SNX29: variants seen among roughly 807,000 people sequenced by gnomAD.
SNX29 encodes sorting nexin-29.
SNX29 carries 78 observed loss-of-function variants against 102.1 expected under a neutral mutation model. The observed-to-expected ratio is 0.76, with a 90% CI of 0.64 to 0.92. The LOEUF is 0.92. Ranked by LOEUF, SNX29 falls within the 40% of genes least tolerant of loss-of-function variation. The pLI, the probability that SNX29 is intolerant of heterozygous loss-of-function variation, is 0.00. For missense variants in SNX29, 1,280 were observed against 1,061.7 expected, an observed-to-expected ratio of 1.21 and a Z score of -2.86; for synonymous variants, 580 against 414.5, an observed-to-expected ratio of 1.40 and a Z score of -4.85.
chr16:12,194,628 T>G (rs1400239391), intron 13 of SNX29, among the ~76,000 whole-genome samples: 2 of 151,008 alleles, frequency 1.3e-5, no homozygotes, highest in Non-Finnish European at 3.0e-5. Flanking sequence ...GGTAGTTTTT[T>G]TTTTTTTTTT....
At chr16:12,236,890 C>A (rs1017136448) in intron 14 of SNX29, among the ~76,000 whole-genome samples, 2 of 152,172 alleles carry the variant, frequency 1.3e-5, no homozygotes, top group African/African-American at 4.8e-5. Context: ...CTGTGCTTGA[C>A]ACGTGGTGAA....
intron 19 of SNX29, among the ~76,000 whole-genome samples, chr16:12,519,496 G>A (rs1392350611): frequency 6.6e-6 from 1 of 152,114 alleles, no homozygotes; most frequent in African/African-American, 2.4e-5. Flanking sequence ...TTATGCCATT[G>A]TGGTCAAATG....
At position 12,568,658 on chromosome 16, in the gene SNX29, G is replaced by A. The variant is rs372827294; in HGVS notation, c.*29G>A. ...CGACAAAACCGCAGCCACGGGCCCT[G>A]TGCGTGGCACCAGCTGCGTCCACCC... On this transcript the variant is annotated 3_prime_UTR_variant, in exon 21 of 21. Coordinates refer to ENST00000566228, the MANE Select transcript of SNX29 (RefSeq NM_032167.5). 1.4e-4 allele frequency: 223 copies of A among 1,597,400 alleles called. No homozygotes were observed. The highest frequency in any genetic ancestry group is 1.8e-4 in the Non-Finnish European group (211 of 1,178,440).
chr16:12,426,270 G>A (rs1397068011), intron 18 of SNX29, among the ~76,000 whole-genome samples: 1 of 152,114 alleles, frequency 6.6e-6, no homozygotes, highest in Non-Finnish European at 1.5e-5. Flanking sequence ...CTGTGCTCAC[G>A]CTGTCTCTAT....
At chr16:12,461,988 T>TATATATATATATAA (rs1361473917) in intron 18 of SNX29, among the ~76,000 whole-genome samples, 40 of 58,162 alleles carry the variant, frequency 6.9e-4, no homozygotes, top group Non-Finnish European at 9.1e-4. Context: ...AATATATATA[T>TATATATATATATAA]ATATATATAT....
intron 15 of SNX29, among the ~76,000 whole-genome samples, chr16:12,325,285 T>G (rs1452690622): frequency 6.6e-6 from 1 of 152,190 alleles, no homozygotes. Context: ...ATTTGCATGG[T>G]ATCATAACAG....
intron 15 of SNX29, among the ~76,000 whole-genome samples, chr16:12,304,405 T>A (rs2080275276): frequency 6.6e-6 from 1 of 152,200 alleles, no homozygotes; most frequent in Non-Finnish European, 1.5e-5. Flanking sequence ...CCTGAGTAGT[T>A]GGGACTACAG....
At chr16:12,338,168 G>C (rs987476403) in intron 15 of SNX29, among the ~76,000 whole-genome samples, 1 of 152,182 alleles carries the variant, frequency 6.6e-6, no homozygotes, top group Admixed American at 6.5e-5. Flanking sequence ...CGGATCAATT[G>C]TTTAGACCAG....
chr16:12,446,047 CTTTTTTTTTTTTTT>C (rs60889973), intron 18 of SNX29, among the ~76,000 whole-genome samples: 4 of 98,596 alleles, frequency 4.1e-5, no homozygotes, highest in South Asian at 3.8e-4. Flanking sequence ...GCTTCTCATT[CTTTTTTTTTTTTTT>C]TTTTTTTTTT....
At chr16:12,554,809 A>G (rs1453077785) in intron 20 of SNX29, among the ~76,000 whole-genome samples, 1 of 152,168 alleles carries the variant, frequency 6.6e-6, no homozygotes, top group Non-Finnish European at 1.5e-5. Flanking sequence ...AGAAATTTGT[A>G]TTGAGCACCT....
intron 13 of SNX29, among the ~76,000 whole-genome samples, chr16:12,164,366 C>T (rs963624638): frequency 5.9e-5 from 9 of 152,102 alleles, no homozygotes; most frequent in South Asian, 4.1e-4. Flanking sequence ...TAAGAAAACC[C>T]GTGCGATAGT....
intron 13 of SNX29, among the ~76,000 whole-genome samples, chr16:12,165,636 C>T (rs961058170): frequency 6.0e-4 from 91 of 152,384 alleles, no homozygotes; most frequent in South Asian, 4.1e-4. Context: ...TCTTGGCCCA[C>T]TGCAACCTCT....
In SNX29 at chr16:12,307,567, T is replaced by C. The variant is rs139511531; in HGVS notation, c.1782+29531T>C. Among the ~76,000 whole-genome samples the C allele has an allele frequency of 5.3e-5, 8 of 152,270 alleles. 1 individual carries two copies. The East Asian group carries it at 1.5e-3, about 29-fold the overall frequency. ...GGACAGAGTTGGGAAGCTTAATAGG[T>C]GTCAAACATTTGCCTGCTTAATGCC... On this transcript the variant is annotated intron_variant, in intron 15 of 20. Coordinates refer to ENST00000566228, the MANE Select transcript of SNX29 (RefSeq NM_032167.5).
chr16:12,442,643 C>T (rs967134913), intron 18 of SNX29, among the ~76,000 whole-genome samples: 14 of 151,292 alleles, frequency 9.3e-5, no homozygotes, highest in South Asian at 6.3e-4. Context: ...CAGGCTGGAG[C>T]GCAGTGGCAC....
chr16:12,516,979 A>G (rs2039087452), intron 19 of SNX29, among the ~76,000 whole-genome samples: 1 of 152,214 alleles, frequency 6.6e-6, no homozygotes, highest in African/African-American at 2.4e-5. Flanking sequence ...GAAGCTCAAA[A>G]TAAAATTAAC....
At chr16:12,114,038 C>T (rs185275543) in intron 11 of SNX29, among the ~76,000 whole-genome samples, 12 of 152,288 alleles carry the variant, frequency 7.9e-5, no homozygotes, top group Admixed American at 7.2e-4. Context: ...TGTTACTTGC[C>T]GTGACATCAC....
intron 17 of SNX29, among the ~76,000 whole-genome samples, chr16:12,402,044 A>T (rs933725438): frequency 6.6e-6 from 1 of 152,232 alleles, no homozygotes; most frequent in East Asian, 1.9e-4. Flanking sequence ...ACAGAAATGA[A>T]AGGAGAATGT....
intron 19 of SNX29, among the ~76,000 whole-genome samples, chr16:12,516,481 G>GAAAAA (rs5815691): frequency 4.8e-4 from 53 of 109,530 alleles, no homozygotes; most frequent in African/African-American, 1.8e-3. Flanking sequence ...TCCCGTCTCA[G>GAAAAA]AAAAAAAAAA....
intron 18 of SNX29, among the ~76,000 whole-genome samples, chr16:12,456,153 G>A (rs572778850): frequency 6.6e-6 from 1 of 152,196 alleles, no homozygotes; most frequent in South Asian, 2.1e-4. Context: ...TAAGACTCTG[G>A]TCATGTACTC....
Sources: allele counts gnomAD v4.1 joint callset (sites outside exome capture counted in the v4.1 genomes callset), GRCh38; gene constraint gnomAD v4.1.1; transcripts MANE v1.5; gene names NCBI Gene and HGNC (gene_info 2026-07-23, HGNC 2026-07-21).